Variants in ASIP observed in about 807,000 individuals in gnomAD.
ASIP encodes agouti signaling protein.
In ASIP, 11 loss-of-function variants were observed where a neutral mutation model predicts 10.3. That is an observed-to-expected ratio of 1.07 (90% CI 0.68 to 1.78). ASIP has a LOEUF of 1.78. Ranked by LOEUF, ASIP falls within the 40% of genes most tolerant of loss-of-function variation. The pLI, the probability that ASIP is intolerant of heterozygous loss-of-function variation, is 0.00. For synonymous variants in ASIP, 70 were observed against 70.8 expected, an observed-to-expected ratio of 0.99 and a Z score of 0.06; for missense variants, 180 against 169.2, an observed-to-expected ratio of 1.06 and a Z score of -0.35.
rs1427622959 is a variant in ASIP, at chr20:34,222,521, T to A, written c.-11+27761T>A. ...CTAACATGCAGAGAAACTTGTAAAA[T>A]ATATATTTTTTTCAGGCCCTAGATT... On this transcript the variant is annotated intron_variant, in intron 1 of 3. Coordinates refer to the ASIP transcript ENST00000568305. 2.0e-5 allele frequency among the ~76,000 whole-genome samples: 3 copies of A among 152,080 alleles called. No homozygotes were observed. The East Asian group carries it at 5.8e-4, about 29-fold the overall frequency.
At chr20:34,232,427 T>C (rs1160379824) in intron 1 of ASIP, among the ~76,000 whole-genome samples, 1 of 152,188 alleles carries the variant, frequency 6.6e-6, no homozygotes, top group African/African-American at 2.4e-5. Context: ...TTGATTAATC[T>C]GATTAGTAGA....
chr20:34,250,778 T>C (rs1405314526), intron 1 of ASIP, among the ~76,000 whole-genome samples: 1 of 152,142 alleles, frequency 6.6e-6, no homozygotes, highest in Non-Finnish European at 1.5e-5. Flanking sequence ...TACACCTCTG[T>C]CTCAGTAGGT....
intron 1 of ASIP, among the ~76,000 whole-genome samples, chr20:34,205,413 G>T (rs536576626): frequency 1.3e-5 from 2 of 151,438 alleles, no homozygotes; most frequent in African/African-American, 4.9e-5. Flanking sequence ...CATTCCTCCC[G>T]CTGGGCTCGT....
intron 1 of ASIP, among the ~76,000 whole-genome samples, chr20:34,243,927 T>C (rs2035326412): frequency 6.6e-6 from 1 of 151,800 alleles, no homozygotes; most frequent in Non-Finnish European, 1.5e-5. Flanking sequence ...TAACCGGGCG[T>C]GGTGGCGGGC....
chr20:34,206,950 G>A (rs1601571507), intron 1 of ASIP, among the ~76,000 whole-genome samples: 1 of 152,178 alleles, frequency 6.6e-6, no homozygotes. Flanking sequence ...TGTGAATAGG[G>A]CTGCAATAAA....
intron 1 of ASIP, among the ~76,000 whole-genome samples, chr20:34,252,832 A>G (rs892130666): frequency 6.6e-6 from 1 of 152,202 alleles, no homozygotes; most frequent in African/African-American, 2.4e-5. Flanking sequence ...TGTCCAGTGC[A>G]TTGTGTCCCT....
At chr20:34,252,302 T>C (rs2035490090) in intron 1 of ASIP, among the ~76,000 whole-genome samples, 1 of 152,140 alleles carries the variant, frequency 6.6e-6, no homozygotes, top group African/African-American at 2.4e-5. Flanking sequence ...GATTATTATT[T>C]TTACTATTTT....
At chr20:34,214,776 G>A in intron 1 of ASIP, 2 of 1,431,542 alleles carry the variant, frequency 1.4e-6, no homozygotes, top group Non-Finnish European at 2.0e-6. Context: ...GCTGATCCGA[G>A]AGCACTGTAA....
At chr20:34,205,119 C>T (rs764771671) in intron 1 of ASIP, among the ~76,000 whole-genome samples, 1 of 152,178 alleles carries the variant, frequency 6.6e-6, no homozygotes, top group Non-Finnish European at 1.5e-5. Context: ...GCCATGGACC[C>T]TCACGGTGAG....
At chr20:34,233,229 G>A (rs1200139107) in intron 1 of ASIP, among the ~76,000 whole-genome samples, 2 of 142,444 alleles carry the variant, frequency 1.4e-5, no homozygotes, top group South Asian at 4.4e-4. Context: ...CTCACTGAAA[G>A]CTCTGCCTCC....
intron 3 of ASIP, among the ~76,000 whole-genome samples, chr20:34,265,586 A>C (rs1051802069): frequency 9.9e-5 from 15 of 152,114 alleles, no homozygotes; most frequent in African/African-American, 2.9e-4. Flanking sequence ...TGCATTGTTC[A>C]AGGGTCAACT....
At chr20:34,225,557 C>CA (rs575396981) in intron 1 of ASIP, among the ~76,000 whole-genome samples, 84 of 151,502 alleles carry the variant, frequency 5.5e-4, no homozygotes, top group Non-Finnish European at 7.5e-4. Flanking sequence ...ATGTAATTTA[C>CA]AAAAAAAATT....
intron 1 of ASIP, chr20:34,246,342 A>G (rs779633883): frequency 3.1e-5 from 48 of 1,539,606 alleles, no homozygotes; most frequent in African/African-American, 6.9e-5. Context: ...TCTACAGTAA[A>G]TTTTGCAAGT....
upstream of ASIP, among the ~76,000 whole-genome samples, chr20:34,194,062 C>T (rs144542000): frequency 2.2e-4 from 33 of 152,216 alleles, no homozygotes; most frequent in Admixed American, 2.0e-3. Context: ...TCCCCTTTAC[C>T]CCACAATTGA....
chr20:34,188,280 A>G, the ASIP span, among the ~76,000 whole-genome samples: 2 of 152,248 alleles, frequency 1.3e-5, no homozygotes, highest in Non-Finnish European at 2.9e-5. Context: ...GGAACTCATT[A>G]GCCTGCTTTC....
At chr20:34,208,424 G>A (rs77600146) in intron 1 of ASIP, among the ~76,000 whole-genome samples, 3,242 of 152,100 alleles carry the variant, frequency 0.021, 53 homozygotes, top group South Asian at 0.076. Flanking sequence ...GTGTGATCAC[G>A]GCACACTGAA....
intron 1 of ASIP, among the ~76,000 whole-genome samples, chr20:34,223,928 T>C (rs1362473407): frequency 1.4e-3 from 142 of 103,222 alleles, no homozygotes; most frequent in African/African-American, 4.2e-3. Context: ...CCCCCAACCC[T>C]GTGCTCTCTG....
chr20:34,207,549 T>C (rs918410463), intron 1 of ASIP, among the ~76,000 whole-genome samples: 2 of 152,184 alleles, frequency 1.3e-5, no homozygotes, highest in Non-Finnish European at 2.9e-5. Flanking sequence ...CATTTGTCCA[T>C]TTTTGCTTTG....
At chr20:34,256,348 C>A (rs927394268) in intron 1 of ASIP, among the ~76,000 whole-genome samples, 12 of 152,154 alleles carry the variant, frequency 7.9e-5, no homozygotes, top group African/African-American at 2.9e-4. Context: ...CCCCCGGACC[C>A]AGCTGTATTT....
Sources: gnomAD v4.1 joint callset for allele counts (sites outside exome capture counted in the v4.1 genomes callset) on GRCh38, gnomAD v4.1.1 for gene constraint, MANE v1.5 for transcripts, NCBI Gene and HGNC (gene_info 2026-07-23, HGNC 2026-07-21) for gene names.